ALDH1L1: variants seen among roughly 807,000 people sequenced by gnomAD.
The protein encoded by ALDH1L1 is cytosolic 10-formyltetrahydrofolate dehydrogenase.
ALDH1L1 carries 68 observed loss-of-function variants against 101.1 expected under a neutral mutation model. The ratio of observed to expected loss-of-function variants is 0.67; its 90% CI spans 0.55 to 0.82. The LOEUF (loss-of-function observed/expected upper bound fraction) is 0.82, where lower values mean the gene tolerates loss of function less well. ALDH1L1 is among the 40% of genes least tolerant of loss of function. ALDH1L1 has a pLI of 0.00. For synonymous variants in ALDH1L1, 486 were observed against 470.8 expected (o/e 1.03, Z -0.42); for missense variants, 1,087 against 1,172.7 (o/e 0.93, Z 1.07).
intron 20 of ALDH1L1, chr3:126,107,972 G>C (rs1395178595): frequency 6.6e-6 from 1 of 152,182 alleles, no homozygotes; most frequent in African/African-American, 2.4e-5. Flanking sequence ...ATAATCAAGA[G>C]ACTGGGAATT....
Position 126,135,535 on chromosome 3 carries a change from C to A in ALDH1L1, c.1472G>T (p.Arg491Met), listed in dbSNP as rs149166178. ...SARDRGRLMY[R>M]LADLMEQHQE... ...TGGCAGGTACATGTTGGGCTCCCAC[C>A]TGTACATCAGCCGGCCCCGGTCCCG... The change falls in exon 12 of 23, where the codon AGG becomes ATG. Residue 491 changes from arginine to methionine, a missense_variant and splice_region_variant. By Grantham distance (91) the Arg-to-Met change is moderately conservative. Around this residue, in one of 2 missense-constraint regions of ALDH1L1, gnomAD observed 645 missense variants for 637.0 expected, o/e 1.01. Transcript: ENST00000393434. The A allele has an allele frequency of 7.5e-6, 12 of 1,606,984 alleles. No individual in the cohort carries two copies. In the Admixed American group the frequency reaches 1.2e-4, roughly 16 times the overall value.
intron 17 of ALDH1L1, among the ~76,000 whole-genome samples, chr3:126,117,308 T>C (rs2079989314): frequency 6.6e-6 from 1 of 151,854 alleles, no homozygotes; most frequent in African/African-American, 2.4e-5. Context: ...TATATTTTAT[T>C]TAACCCAACT....
At chr3:126,156,835 T>A (rs1196406007) in intron 4 of ALDH1L1, 1 of 152,450 alleles carries the variant, frequency 6.6e-6, no homozygotes, top group African/African-American at 2.4e-5. Flanking sequence ...CCCTGATTTG[T>A]GATTGATGAA....
intron 15 of ALDH1L1, among the ~76,000 whole-genome samples, chr3:126,125,203 G>A (rs7642241): frequency 0.018 from 2,806 of 152,246 alleles, 81 homozygotes; most frequent in African/African-American, 0.064. Flanking sequence ...GAATCCCACC[G>A]CTCACCCTGC....
At chr3:126,140,955 T>C (rs62265225) in intron 9 of ALDH1L1, among the ~76,000 whole-genome samples, 32,677 of 151,924 alleles carry the variant, frequency 0.22, 4,162 homozygotes, top group African/African-American at 0.36. Flanking sequence ...GTAAATGGAT[T>C]AAACTCTCCT....
intron 3 of ALDH1L1, 39 bp from the exon 4 acceptor site, chr3:126,157,547 A>G (rs555676304): frequency 1.9e-6 from 3 of 1,597,028 alleles, no homozygotes; most frequent in Admixed American, 1.7e-5. Context: ...TCCACGATGA[A>G]GGGCCACGGA....
At chr3:126,180,688 G>T, upstream of ALDH1L1, 1 of 1,378,304 alleles carries the variant, frequency 7.3e-7, no homozygotes, top group Non-Finnish European at 9.4e-7. Context: ...CACCGGTGGT[G>T]GGACTATGGC....
chr3:126,151,576 A>G (rs1228935085), intron 7 of ALDH1L1: 1 of 151,974 alleles, frequency 6.6e-6, no homozygotes, highest in East Asian at 1.9e-4. Context: ...AGGGGCCAGG[A>G]AAAAAAACAC....
chr3:126,150,546 A>ATTTCT lies in ALDH1L1; in HGVS notation c.859-20_859-16dup, dbSNP rs142399358. 66 of 1,548,296 alleles carry ATTTCT rather than the reference A, an allele frequency of 4.3e-5. No individual in the cohort carries two copies. Among genetic ancestry groups the ATTTCT allele is most frequent in the Admixed American group, 9.8e-5 (5 of 50,836 alleles). ...TTCACCAGCAGCTGCAAAAGGAAGG[A>ATTTCT]TTTCTTTTCTTTTCTTTTCTTTTTT... On this transcript the variant is annotated splice_polypyrimidine_tract_variant and intron_variant, in intron 7 of 22. Transcript: ENST00000393434.
intron 1 of ALDH1L1, among the ~76,000 whole-genome samples, chr3:126,174,166 G>A (rs963123902): frequency 3.3e-5 from 5 of 152,056 alleles, no homozygotes; most frequent in Admixed American, 6.6e-5. Flanking sequence ...AGCCGCCCGA[G>A]TAGCTAGGAT....
At chr3:126,151,586 C>T (rs1031432697) in intron 7 of ALDH1L1, 2 of 152,164 alleles carry the variant, frequency 1.3e-5, no homozygotes, top group African/African-American at 4.8e-5. Flanking sequence ...AAAAAAAACA[C>T]ATGTACAAAA....
intron 10 of ALDH1L1, among the ~76,000 whole-genome samples, 161 bp from the exon 11 acceptor site, chr3:126,137,044 C>T (rs1453547613): frequency 6.6e-6 from 1 of 152,224 alleles, no homozygotes; most frequent in Non-Finnish European, 1.5e-5. Context: ...AGGACAGGCT[C>T]TGAGGCCAGG....
upstream of ALDH1L1, chr3:126,180,872 T>C: frequency 2.5e-6 from 4 of 1,572,222 alleles, no homozygotes; most frequent in South Asian, 4.7e-5. Context: ...TTCTGAGCGC[T>C]GGCAAGGCTA....
chr3:126,152,901 G>A (rs956128598), intron 7 of ALDH1L1: 3 of 193,972 alleles, frequency 1.5e-5, no homozygotes, highest in Admixed American at 1.1e-4. Context: ...TAAATTTAAC[G>A]CATATACATT....
At position 126,132,087 on chromosome 3, in the gene ALDH1L1, A is replaced by T. The variant is rs143082825; in HGVS notation, c.1473-553T>A. ...TGACGCGTTTACACAGACTGGCTTC[A>T]GCCTGAGCATGCCGAGGTCGGGTTG... On this transcript the variant is annotated intron_variant, in intron 12 of 22. Coordinates refer to ENST00000393434, the MANE Select transcript of ALDH1L1 (RefSeq NM_012190.4). 8.8e-3 allele frequency among the ~76,000 whole-genome samples: 1,335 copies of T among 152,380 alleles called. 12 individuals carry two copies. Among genetic ancestry groups the T allele is most frequent in the African/African-American group, 0.031 (1,281 of 41,604 alleles).
intron 1 of ALDH1L1, among the ~76,000 whole-genome samples, chr3:126,163,289 C>T (rs7650684): frequency 0.63 from 95,704 of 152,030 alleles, 30,147 homozygotes; most frequent in Middle Eastern, 0.66. Flanking sequence ...ATTTTGTACA[C>T]TGACGTTGTA....
intron 1 of ALDH1L1, among the ~76,000 whole-genome samples, chr3:126,192,277 C>G (rs187346660): frequency 3.9e-5 from 6 of 152,214 alleles, no homozygotes; most frequent in Non-Finnish European, 8.8e-5. Flanking sequence ...TAGAATAAGT[C>G]CTTGTTTAAT....
At chr3:126,114,488 AG>A in intron 18 of ALDH1L1, 68 bp downstream of exon 18, 3 of 1,272,142 alleles carry the variant, frequency 2.4e-6, no homozygotes, top group Non-Finnish European at 3.1e-6. Flanking sequence ...AATCAGAGAC[AG>A]GGCCTCCTGG....
chr3:126,157,684 T>C (rs2080943535), intron 3 of ALDH1L1, among the ~76,000 whole-genome samples, 176 bp from the exon 4 acceptor site: 1 of 152,148 alleles, frequency 6.6e-6, no homozygotes, highest in African/African-American at 2.4e-5. Context: ...ATAACAACCA[T>C]GGGCCAGGAA....
Sources: gnomAD v4.1 joint callset for allele counts (sites outside exome capture counted in the v4.1 genomes callset) on GRCh38, gnomAD v4.1.1 for gene constraint, gnomAD v4.1.1 regional missense constraint, MANE v1.5 for transcripts, NCBI Gene and HGNC (gene_info 2026-07-23, HGNC 2026-07-21) for gene names.